FRMD5: variants seen among roughly 807,000 people sequenced by gnomAD.
FRMD5 encodes FERM domain-containing protein 5.
A neutral mutation model predicts 69.0 loss-of-function variants in FRMD5; 20 were observed. The ratio of observed to expected loss-of-function variants is 0.29; its 90% CI spans 0.20 to 0.42. FRMD5 has a LOEUF of 0.42. Ranked by LOEUF, FRMD5 falls within the 10% of genes least tolerant of loss-of-function variation. The pLI is 1.00. For missense variants in FRMD5, 595 were observed against 708.6 expected, an observed-to-expected ratio of 0.84 and a Z score of 1.82; for synonymous variants, 271 against 260.1, an observed-to-expected ratio of 1.04 and a Z score of -0.40.
intron 1 of FRMD5, among the ~76,000 whole-genome samples, chr15:43,946,756 G>T (rs1015814622): frequency 2.6e-5 from 4 of 152,270 alleles, no homozygotes; most frequent in Admixed American, 2.6e-4. Flanking sequence ...CTTTCACTTT[G>T]CTCTCTTCTG....
intron 1 of FRMD5, among the ~76,000 whole-genome samples, chr15:44,006,527 G>C (rs899828111): frequency 5.3e-5 from 8 of 152,206 alleles, no homozygotes; most frequent in African/African-American, 1.9e-4. Flanking sequence ...TGATTCCTCT[G>C]ATGGATCTAG....
intron 1 of FRMD5, among the ~76,000 whole-genome samples, chr15:44,113,926 G>A (rs963105115): frequency 1.3e-5 from 2 of 152,010 alleles, no homozygotes; most frequent in African/African-American, 4.8e-5. Context: ...CAGATTAATC[G>A]ACATATGAGA....
At chr15:44,057,263 G>A (rs1439215530) in intron 1 of FRMD5, among the ~76,000 whole-genome samples, 8 of 151,544 alleles carry the variant, frequency 5.3e-5, no homozygotes, top group Admixed American at 2.0e-4. Context: ...TAGCCACCAC[G>A]CCTGGCTAAT....
chr15:43,881,411 C>T (rs2088526358), intron 13 of FRMD5, among the ~76,000 whole-genome samples: 1 of 152,202 alleles, frequency 6.6e-6, no homozygotes, highest in Admixed American at 6.5e-5. Flanking sequence ...TGGGAGGAAA[C>T]ACCAGGAGGC....
intron 1 of FRMD5, among the ~76,000 whole-genome samples, chr15:44,151,045 T>C (rs1404784950): frequency 6.6e-6 from 1 of 151,756 alleles, no homozygotes; most frequent in African/African-American, 2.4e-5. Flanking sequence ...TGAGCCGAGA[T>C]GGCACCACTG....
chr15:43,949,178 C>T (rs1214680740), intron 1 of FRMD5, among the ~76,000 whole-genome samples: 1 of 152,192 alleles, frequency 6.6e-6, no homozygotes, highest in Non-Finnish European at 1.5e-5. Flanking sequence ...CTTTGGTGGC[C>T]TGTGTGGATG....
chr15:43,873,865 T>C lies in FRMD5; in HGVS notation c.*20A>G, dbSNP rs761931035. On this transcript the variant is annotated 3_prime_UTR_variant, in exon 14 of 14. Transcript: ENST00000417257. ...GTTCCTTGGTCCACCTGGCTAGTTT[T>C]TGGGAGGAGTCATGCCTTCTCAGGT... The C allele has an allele frequency of 8.1e-6, 13 of 1,610,102 alleles. No individual in the cohort carries two copies. The African/African-American group carries it at 1.6e-4, about 20-fold the overall frequency.
chr15:44,112,005 G>A (rs1288566663), intron 1 of FRMD5, among the ~76,000 whole-genome samples: 3 of 151,648 alleles, frequency 2.0e-5, no homozygotes. Context: ...CACCACATCC[G>A]GCTAATTTTT....
Position 44,195,219 on chromosome 15 carries a change from C to A in FRMD5, c.-165G>T. On this transcript the variant is annotated 5_prime_UTR_variant, in exon 1 of 14. Coordinates refer to ENST00000417257, the MANE Select transcript of FRMD5 (RefSeq NM_032892.5). ...CCTCGTTCCTCCTCCTTATCCTCCT[C>A]CTTCCCTCAGCCGCCACCGCCTCCC... 1 of 555,420 alleles carries A rather than the reference C, an allele frequency of 1.8e-6. No homozygotes were observed. Among genetic ancestry groups the A allele is most frequent in the Non-Finnish European group, 3.1e-6 (1 of 320,962 alleles). 34.4% of individuals were successfully genotyped at this position (555,420 alleles called of 1,614,324 possible).
chr15:44,042,404 G>A (rs1190424816), intron 1 of FRMD5, among the ~76,000 whole-genome samples: 2 of 152,122 alleles, frequency 1.3e-5, no homozygotes, highest in Non-Finnish European at 2.9e-5. Context: ...TAGAAAAAGA[G>A]GAAATCCTCC....
Position 43,959,708 on chromosome 15 carries a change from A to G in FRMD5, c.103-35399T>C, listed in dbSNP as rs191408443. Among the ~76,000 whole-genome samples, 13 of 152,192 alleles carry G rather than the reference A, an allele frequency of 8.5e-5. No homozygotes were observed. In the East Asian group the frequency reaches 2.5e-3, roughly 29 times the overall value. ...TGCCTACCTTTTGGATTCAAAGAGG[A>G]CTCCACTGACAATATTTTTTGTGTT... On this transcript the variant is annotated intron_variant, in intron 1 of 13. Coordinates refer to ENST00000417257, the MANE Select transcript of FRMD5 (RefSeq NM_032892.5).
intron 1 of FRMD5, among the ~76,000 whole-genome samples, chr15:44,065,693 C>T (rs1893280873): frequency 6.6e-6 from 1 of 152,140 alleles, no homozygotes; most frequent in South Asian, 2.1e-4. Flanking sequence ...GAGACTGCTA[C>T]CACCTACCAA....
intron 1 of FRMD5, among the ~76,000 whole-genome samples, chr15:44,061,763 C>T (rs1481026233): frequency 6.6e-6 from 1 of 152,176 alleles, no homozygotes; most frequent in Non-Finnish European, 1.5e-5. Flanking sequence ...CAGCCTTTGT[C>T]ATGGTCTTTT....
chr15:43,880,438 T>A (rs184601864), intron 13 of FRMD5, among the ~76,000 whole-genome samples: 13 of 152,104 alleles, frequency 8.5e-5, no homozygotes, highest in Middle Eastern at 3.2e-3. Context: ...AGGCAAGCCC[T>A]CCTCTTGAAA....
intron 13 of FRMD5, among the ~76,000 whole-genome samples, chr15:43,881,543 TAAAACAA>T (rs2088529858): frequency 6.6e-6 from 1 of 152,184 alleles, no homozygotes; most frequent in Non-Finnish European, 1.5e-5. Context: ...GGCTCAGAGA[TAAAACAA>T]CCTGTTACAG....
chr15:43,952,286 T>C (rs1311089019), intron 1 of FRMD5, among the ~76,000 whole-genome samples: 4 of 152,206 alleles, frequency 2.6e-5, no homozygotes. Flanking sequence ...CCAGTATTTA[T>C]GCTCAGGCTA....
chr15:44,102,042 G>A (rs527807002), intron 1 of FRMD5, among the ~76,000 whole-genome samples: 2 of 152,284 alleles, frequency 1.3e-5, no homozygotes, highest in East Asian at 1.9e-4. Flanking sequence ...ACACTCAATG[G>A]CAGAAGCAGT....
At chr15:44,101,977 G>A (rs2076647394) in intron 1 of FRMD5, among the ~76,000 whole-genome samples, 1 of 152,212 alleles carries the variant, frequency 6.6e-6, no homozygotes, top group South Asian at 2.1e-4. Context: ...GAAAAGCTTT[G>A]GACTATTGAC....
intron 1 of FRMD5, among the ~76,000 whole-genome samples, chr15:44,127,540 T>C (rs1023028205): frequency 2.9e-4 from 44 of 152,144 alleles, no homozygotes; most frequent in Admixed American, 2.8e-3. Context: ...CTCAACTTCA[T>C]TGCTCTTGGC....
Sources: allele counts gnomAD v4.1 joint callset (sites outside exome capture counted in the v4.1 genomes callset), GRCh38; gene constraint gnomAD v4.1.1; transcripts MANE v1.5; gene names NCBI Gene and HGNC (gene_info 2026-07-23, HGNC 2026-07-21).